Variants in FARP2 observed in about 807,000 individuals in gnomAD.
FARP2 encodes FERM, ARH/RhoGEF and pleckstrin domain protein 2, also known as FERM, ARHGEF and pleckstrin domain-containing protein 2.
Under a neutral mutation model 130.5 loss-of-function variants are expected in FARP2, and 111 were observed. The observed-to-expected ratio is 0.85, with a 90% confidence interval of 0.73 to 1.00. The LOEUF is 1.00. Among genes scored for constraint, FARP2 ranks in the 50% least tolerant of loss-of-function variants. FARP2 has a pLI of 0.00. For synonymous variants in FARP2, 504 were observed against 516.9 expected (o/e 0.98, Z 0.34); for missense variants, 1,385 against 1,346.3 (o/e 1.03, Z -0.45).
chr2:241,413,528 G>A (rs915056797), intron 7 of FARP2, 107 bp downstream of exon 7: 57 of 793,152 alleles, frequency 7.2e-5, no homozygotes, highest in Middle Eastern at 2.3e-4. Flanking sequence ...TCTAACATAA[G>A]GACCATTGCT....
At chr2:241,378,436 G>C (rs1380147230) in intron 2 of FARP2, among the ~76,000 whole-genome samples, 2 of 11,770 alleles carry the variant, frequency 1.7e-4, no homozygotes, top group Non-Finnish European at 4.2e-4. Flanking sequence ...TTTTGAGTCA[G>C]GATCTCACTC....
rs764253084 is a variant in FARP2 at position 241,436,526 on chromosome 2, C to A, written c.1146C>A (p.Asp382Glu). The A allele has an allele frequency of 6.2e-7, 1 of 1,614,150 alleles. No individual in the cohort carries two copies. Among genetic ancestry groups the A allele is most frequent in the East Asian group, 2.2e-5 (1 of 44,888 alleles). Residue 382 changes from aspartate to glutamate, a missense_variant, in exon 12 of 27, where the codon GAC (aspartate) becomes GAA (glutamate). Transcript: ENST00000264042. ...THTSVRALTA[D>E]LPKQSISFPE... Reference sequence around the variant, plus strand: ...CGTCCGTTCGAGCTCTGACTGCAGACCTACCAAAACAGGTTAGTCTCTTCC... The same window carrying A: ...CGTCCGTTCGAGCTCTGACTGCAGAACTACCAAAACAGGTTAGTCTCTTCC...
At chr2:241,416,752 A>G (rs2062683834) in intron 7 of FARP2, among the ~76,000 whole-genome samples, 2 of 152,070 alleles carry the variant, frequency 1.3e-5, no homozygotes, top group Non-Finnish European at 1.5e-5. Flanking sequence ...CCCTGTCTCT[A>G]CAAACAATTA....
chr2:241,412,412 C>A (rs936789455), intron 6 of FARP2, among the ~76,000 whole-genome samples: 2 of 152,148 alleles, frequency 1.3e-5, no homozygotes, highest in Admixed American at 1.3e-4. Flanking sequence ...GAAGTCCATA[C>A]TGAAGTATGG....
At chr2:241,365,196 A>T (rs2061277009) in intron 1 of FARP2, among the ~76,000 whole-genome samples, 1 of 152,240 alleles carries the variant, frequency 6.6e-6, no homozygotes, top group South Asian at 2.1e-4. Context: ...AAACATTCAC[A>T]AAAGTAGAGA....
intron 13 of FARP2, chr2:241,446,161 C>G (rs886692371): frequency 6.6e-6 from 1 of 152,046 alleles, no homozygotes; most frequent in Non-Finnish European, 1.5e-5. Context: ...ACTGACTACA[C>G]GAAAAATATG....
At chr2:241,442,536 A>G (rs1313683124) in intron 13 of FARP2, 2 of 449,596 alleles carry the variant, frequency 4.4e-6, no homozygotes, top group Non-Finnish European at 9.0e-6. Flanking sequence ...CATCTTGACC[A>G]CTCTGGGTTC....
intron 8 of FARP2, among the ~76,000 whole-genome samples, chr2:241,421,257 A>G (rs1406763641): frequency 6.6e-6 from 1 of 152,232 alleles, no homozygotes; most frequent in Non-Finnish European, 1.5e-5. Context: ...CAGAGCAGCC[A>G]CTGAGGCACA....
intron 12 of FARP2, among the ~76,000 whole-genome samples, chr2:241,440,040 A>G (rs2063341652): frequency 6.6e-6 from 1 of 152,346 alleles, no homozygotes; most frequent in South Asian, 2.1e-4. Context: ...AGAATATTGA[A>G]TATGGTTGAA....
chr2:241,369,190 T>C (rs2061375225), intron 1 of FARP2, among the ~76,000 whole-genome samples: 1 of 151,850 alleles, frequency 6.6e-6, no homozygotes, highest in Non-Finnish European at 1.5e-5. Context: ...GAGTTTGATA[T>C]TCCTTAAGCT....
rs2064887828 is a variant in FARP2 at position 241,491,144 on chromosome 2, C to T, written c.2588C>T (p.Ala863Val). The T allele has an allele frequency of 6.8e-6, 11 of 1,613,076 alleles. No homozygotes were observed. Among genetic ancestry groups the T allele is most frequent in the South Asian group, 1.1e-5 (1 of 91,088 alleles). The change falls in exon 23 of 27, where the codon GCA (alanine) becomes GTA (valine). Residue 863 changes from alanine to valine, a missense_variant. Physicochemically the swap from Ala to Val is moderately conservative, Grantham distance 64. Coordinates refer to ENST00000264042, the MANE Select transcript of FARP2 (RefSeq NM_014808.4). ...AAKSGGDTAP[A>V]LPGRTVCTRP... ...AAGAGTGGCGGTGACACGGCCCCTG[C>T]ACTGCCAGGCCGCACTGTGTGCACT...
At chr2:241,443,079 T>C (rs1399621763) in intron 13 of FARP2, 1 of 239,978 alleles carries the variant, frequency 4.2e-6, no homozygotes, top group Non-Finnish European at 8.1e-6. Flanking sequence ...GTCAAACTCG[T>C]GGGACTCTGA....
Position 241,494,434 on chromosome 2 carries a change from G to A in FARP2, c.*309G>A, listed in dbSNP as rs537647956. ...CAGACAAGGCCTGAGCAGTGCTCTC[G>A]GCATCGGACCAAAGCCTGGGCACAC... On this transcript the variant is annotated 3_prime_UTR_variant, in exon 27 of 27. Transcript: ENST00000264042. This position sits in a 1 kb window ranked among gnomAD's most constrained non-coding sequence, Gnocchi z 4.9. The A allele has an allele frequency of 8.3e-5, 18 of 217,398 alleles. No homozygotes were observed. The highest frequency in any genetic ancestry group is 2.8e-4 in the East Asian group (3 of 10,882). 13.5% of individuals were successfully genotyped at this position (217,398 alleles called of 1,614,324 possible).
At chr2:241,411,455 ACT>A (rs1181357458) in intron 6 of FARP2, among the ~76,000 whole-genome samples, 1 of 152,102 alleles carries the variant, frequency 6.6e-6, no homozygotes, top group African/African-American at 2.4e-5. Flanking sequence ...TATAAACCAA[ACT>A]CTGAGCAAAC....
chr2:241,454,640 A>G (rs2063783769), intron 13 of FARP2, among the ~76,000 whole-genome samples: 1 of 152,244 alleles, frequency 6.6e-6, no homozygotes, highest in African/African-American at 2.4e-5. Context: ...AGAAGTGACA[A>G]AGACCAAATG....
At chr2:241,460,732 C>A (rs1261723035) in intron 14 of FARP2, among the ~76,000 whole-genome samples, 1 of 152,230 alleles carries the variant, frequency 6.6e-6, no homozygotes, top group South Asian at 2.1e-4. Context: ...TTCAGCTTCT[C>A]TGTGGGGAGG....
At chr2:241,368,795 C>T (rs1442179163) in intron 1 of FARP2, among the ~76,000 whole-genome samples, 1 of 152,096 alleles carries the variant, frequency 6.6e-6, no homozygotes, top group Non-Finnish European at 1.5e-5. Flanking sequence ...TTTAAGTTTT[C>T]ATAAGCTTAG....
intron 9 of FARP2, among the ~76,000 whole-genome samples, chr2:241,433,558 AAATGCC>A (rs1190921967): frequency 1.3e-5 from 2 of 152,242 alleles, no homozygotes; most frequent in Non-Finnish European, 2.9e-5. Context: ...TTGGCATGAA[AAATGCC>A]AAGGCTAGGT....
At chr2:241,394,255 A>T (rs1228735520) in intron 2 of FARP2, among the ~76,000 whole-genome samples, 1 of 152,218 alleles carries the variant, frequency 6.6e-6, no homozygotes, top group Non-Finnish European at 1.5e-5. Flanking sequence ...GCTTTGGCTC[A>T]CGCCTGTAAT....
Sources: allele counts gnomAD v4.1 joint callset (sites outside exome capture counted in the v4.1 genomes callset), GRCh38; gene constraint gnomAD v4.1.1; non-coding constraint Gnocchi (gnomAD v3.1); transcripts MANE v1.5; gene names NCBI Gene and HGNC (gene_info 2026-07-23, HGNC 2026-07-21).